DNAH12: variants seen among roughly 807,000 people sequenced by gnomAD.
DNAH12 encodes the protein dynein axonemal heavy chain 12.
In DNAH12, 285 loss-of-function variants were observed where a neutral mutation model predicts 371.5. The observed-to-expected ratio is 0.77, with a 90% CI of 0.70 to 0.85. DNAH12 has a LOEUF of 0.85. Ranked by LOEUF, DNAH12 falls within the 40% of genes least tolerant of loss-of-function variation. The probability of loss-of-function intolerance (pLI) is 0.00; values close to 1 mark genes in which losing one functional copy is unlikely to be tolerated. For synonymous variants in DNAH12, 1,200 were observed against 1,213.0 expected, an observed-to-expected ratio of 0.99 and a Z score of 0.22; for missense variants, 3,611 against 3,689.4, an observed-to-expected ratio of 0.98 and a Z score of 0.55.
In DNAH12 at chr3:57,501,353, T is replaced by C; in HGVS notation, c.1303A>G (p.Thr435Ala). Residue 435 changes from threonine to alanine, a missense_variant, in exon 11 of 74, where the codon ACA becomes GCA. Thr to Ala is a moderately conservative substitution (Grantham distance 58, BLOSUM62 0). Around this residue, in one of 3 missense-constraint regions of DNAH12, gnomAD observed 1,314 missense variants for 1,398.7 expected, o/e 0.94. Transcript: ENST00000495027. Reference sequence around the variant, plus strand: ...TATTCATCAAAAGTATGATCTTCTGTCTGAAAAGTCTCTATATTCTCAACT... The same window carrying C: ...TATTCATCAAAAGTATGATCTTCTGCCTGAAAAGTCTCTATATTCTCAACT... ...TAVENIETFQ[T>A]EDHTFDEYTE... is the part of the protein sequence containing the mutation. 6.3e-7 allele frequency: 1 copy of C among 1,596,814 alleles called. No individual in the cohort carries two copies. Among genetic ancestry groups the C allele is most frequent in the Non-Finnish European group, 8.5e-7 (1 of 1,175,318 alleles).
At chr3:57,306,070 C>A (rs895034020) in intron 69 of DNAH12, among the ~76,000 whole-genome samples, 37 of 152,162 alleles carry the variant, frequency 2.4e-4, no homozygotes, top group Admixed American at 2.2e-3. Context: ...ACTCACCTGG[C>A]AGCCACTCCC....
rs71088054 is a variant in DNAH12 at position 57,301,265 on chromosome 3, CAAAAAAAAAAAAAAAAAAAAAAAAA to C, written c.11394+445_11394+469del. Among the ~76,000 whole-genome samples the C allele has an allele frequency of 2.3e-4, 10 of 43,046 alleles. No homozygotes were observed. The South Asian group carries it at 3.4e-3, about 15-fold the overall frequency. The allele number at this position is 43,046 out of a possible 152,430, so 28.2% of individuals were successfully genotyped here. A position where few individuals can be genotyped will look rare whatever the true frequency, so the allele number is the denominator to read the frequency against. On this transcript the variant is annotated intron_variant, in intron 70 of 73. Transcript: ENST00000495027. ...TGGATGACAGAGCAAGACCCTGTCT[CAAAAAAAAAAAAAAAAAAAAAAAAA>C]AAAAAAAAAAAATCCAAGCCTCAGG... is the stretch of plus-strand genomic sequence containing the variant.
At chr3:57,509,300 AT>A in intron 5 of DNAH12, 88 bp from the exon 6 acceptor site, 1 of 1,246,706 alleles carries the variant, frequency 8.0e-7, no homozygotes, top group Non-Finnish European at 1.1e-6. Flanking sequence ...TTTGGATGGT[AT>A]AGTTTACTGT....
chr3:57,394,617 G>A (rs1260152108), intron 43 of DNAH12, among the ~76,000 whole-genome samples: 1 of 152,140 alleles, frequency 6.6e-6, no homozygotes, highest in Admixed American at 6.5e-5. Flanking sequence ...GACTGAGATA[G>A]ACTTGAAACA....
chr3:57,493,806 G>T (rs1037626454), intron 11 of DNAH12: 1 of 146,678 alleles, frequency 6.8e-6, no homozygotes, highest in East Asian at 2.0e-4. Flanking sequence ...AGCATTTAAC[G>T]AAACCCAACA....
At position 57,433,448 on chromosome 3, in the gene DNAH12, G is replaced by A; in HGVS notation, c.4899C>T (p.Asp1633=). ...FREFALSETP[D]RKWVVFDGPI... The stretch of plus-strand genomic sequence containing the variant: ...GACCATCAAATACAACCCATTTCCG[G>A]TCAGGTGTTTCTGATAAGGCAAATT... The change falls in exon 32 of 74, where the codon GAC becomes GAT. Residue 1633 remains aspartate (D), a synonymous_variant. Coordinates refer to ENST00000495027, the MANE Select transcript of DNAH12 (RefSeq NM_001366028.2). The A allele has an allele frequency of 1.3e-6, 2 of 1,551,386 alleles. No individual in the cohort carries two copies. Among genetic ancestry groups the A allele is most frequent in the South Asian group, 1.2e-5 (1 of 84,048 alleles).
At chr3:57,458,282 A>G (rs571458500) in intron 20 of DNAH12, 62 bp from the exon 21 acceptor site, 1 of 1,484,468 alleles carries the variant, frequency 6.7e-7, no homozygotes, top group South Asian at 1.4e-5. Context: ...TGACTTAAAT[A>G]TCAATCTATA....
Position 57,310,816 on chromosome 3 carries a change from AT to A in DNAH12, c.10796del (p.Asn3599IlefsTer4). ...AATGAGGGTTTTCAACTATGTACAG[AT>A]TATAAAAGTCAGCCAGCATGGTTAA... Reference protein sequence around the residue: ...LLLTMLADFYNLYIVENPHYK... With the variant: ...LLLTMLADFYXLYIVENPHYK... On this transcript the variant is annotated frameshift_variant, in exon 67 of 74. Transcript: ENST00000495027. LOFTEE classifies it high-confidence loss of function. The A allele has an allele frequency of 6.4e-7, 1 of 1,551,636 alleles. No homozygotes were observed. The highest frequency in any genetic ancestry group is 2.4e-5 in the East Asian group (1 of 40,894).
intron 70 of DNAH12, among the ~76,000 whole-genome samples, chr3:57,300,553 A>T (rs1343705665): frequency 6.6e-6 from 1 of 152,064 alleles, no homozygotes; most frequent in Non-Finnish European, 1.5e-5. Context: ...CACACCACAA[A>T]TGGAAATCAC....
Position 57,491,099 on chromosome 3 carries a change from A to AAAAAAAAAAAAC in DNAH12, c.1336-1413_1336-1412insGTTTTTTTTTTT, listed in dbSNP as rs56259991. ...TCTATCTCAAAAAAAAAAAAAAAAA[A>AAAAAAAAAAAAC]AACAACAAATAAAGGGTAGACAGAA... On this transcript the variant is annotated intron_variant, in intron 11 of 73. Coordinates refer to ENST00000495027, the MANE Select transcript of DNAH12 (RefSeq NM_001366028.2). 7.3e-4 allele frequency among the ~76,000 whole-genome samples: 82 copies of AAAAAAAAAAAAC among 112,792 alleles called. 1 individual carries two copies. Among genetic ancestry groups the AAAAAAAAAAAAC allele is most frequent in the African/African-American group, 1.3e-3 (36 of 28,706 alleles). 74.0% of individuals were successfully genotyped at this position (112,792 alleles called of 152,430 possible).
chr3:57,327,329 T>C (rs1225248491), intron 62 of DNAH12, among the ~76,000 whole-genome samples: 2 of 151,356 alleles, frequency 1.3e-5, no homozygotes, highest in Non-Finnish European at 3.0e-5. Flanking sequence ...CCTCAGCAAA[T>C]GTAAAAGAAC....
chr3:57,369,885 C>T (rs2063133138), intron 55 of DNAH12, among the ~76,000 whole-genome samples: 1 of 151,914 alleles, frequency 6.6e-6, no homozygotes. Flanking sequence ...CTTGGTTATC[C>T]AATAATTAGA....
chr3:57,379,736 G>A (rs1337902245), intron 51 of DNAH12, among the ~76,000 whole-genome samples: 3 of 149,636 alleles, frequency 2.0e-5, no homozygotes, highest in Non-Finnish European at 4.4e-5. Flanking sequence ...AGCTACTCAA[G>A]AGGCTGAGGC....
intron 60 of DNAH12, among the ~76,000 whole-genome samples, chr3:57,343,295 ATGT>A (rs1219517009): frequency 6.6e-6 from 1 of 152,214 alleles, no homozygotes; most frequent in Non-Finnish European, 1.5e-5. Context: ...CTTTGCTGAG[ATGT>A]TGTTAATTTG....
chr3:57,446,624 T>A lies in DNAH12; in HGVS notation c.3852A>T (p.Glu1284Asp). 2 of 1,550,374 alleles carry A rather than the reference T, an allele frequency of 1.3e-6. No individual in the cohort carries two copies. Among genetic ancestry groups the A allele is most frequent in the Non-Finnish European group, 1.7e-6 (2 of 1,146,206 alleles). The part of the protein sequence containing the change: ...PEGPAGTGKT[E>D]TTKDLAKALA... Reference sequence around the variant, plus strand: ...GAGCTTTAGCCAAGTCCTTGGTGGTTTCGGTTTTTCCTGTGCCTGCTGGCC... The same window carrying A: ...GAGCTTTAGCCAAGTCCTTGGTGGTATCGGTTTTTCCTGTGCCTGCTGGCC... Residue 1284 changes from glutamate to aspartate, a missense_variant, in exon 26 of 74, where the codon GAA (glutamate) becomes GAT (aspartate). Physicochemically the swap from Glu to Asp is conservative, Grantham distance 45. Coordinates refer to ENST00000495027, the MANE Select transcript of DNAH12 (RefSeq NM_001366028.2).
At chr3:57,300,306 G>A (rs535203811) in intron 70 of DNAH12, among the ~76,000 whole-genome samples, 30 of 152,234 alleles carry the variant, frequency 2.0e-4, no homozygotes, top group African/African-American at 7.2e-4. Context: ...TGCTTAACTT[G>A]TTAACTCTAA....
intron 49 of DNAH12, among the ~76,000 whole-genome samples, chr3:57,382,845 T>C (rs1236184221): frequency 6.6e-6 from 1 of 152,348 alleles, no homozygotes; most frequent in East Asian, 1.9e-4. Flanking sequence ...TATATTGTTA[T>C]AATAGATAGT....
intron 11 of DNAH12, among the ~76,000 whole-genome samples, chr3:57,492,487 T>A (rs959987727): frequency 3.3e-5 from 5 of 151,614 alleles, no homozygotes; most frequent in African/African-American, 1.2e-4. Flanking sequence ...AAATAAATAA[T>A]AAATAAGTTC....
chr3:57,307,457 C>T (rs186862133), intron 69 of DNAH12, among the ~76,000 whole-genome samples: 24 of 152,290 alleles, frequency 1.6e-4, no homozygotes, highest in Admixed American at 2.6e-4. Context: ...ACTGCGACTG[C>T]GCCCTGTAGC....
Sources: gnomAD v4.1 joint callset for allele counts (sites outside exome capture counted in the v4.1 genomes callset) on GRCh38, gnomAD v4.1.1 for gene constraint, gnomAD v4.1.1 regional missense constraint, MANE v1.5 for transcripts, NCBI Gene and HGNC (gene_info 2026-07-23, HGNC 2026-07-21) for gene names.